Variants in SUPT20H observed in about 807,000 individuals in gnomAD.
SUPT20H encodes the protein transcription factor SPT20 homolog.
Under a neutral mutation model 122.8 loss-of-function variants are expected in SUPT20H, and 82 were observed. That is an observed-to-expected ratio of 0.67 (90% CI 0.56 to 0.80). The LOEUF (loss-of-function observed/expected upper bound fraction) is 0.80. SUPT20H is among the 30% of genes least tolerant of loss of function. The pLI is 0.00. For missense variants in SUPT20H, 831 were observed against 921.6 expected (o/e 0.90, Z 1.27); for synonymous variants, 291 against 313.0 (o/e 0.93, Z 0.74).
intron 7 of SUPT20H, among the ~76,000 whole-genome samples, chr13:37,043,647 C>T (rs2065894809): frequency 6.6e-6 from 1 of 151,962 alleles, no homozygotes; most frequent in Admixed American, 6.6e-5. Context: ...ATTTCATCTT[C>T]TATTATTATT....
chr13:37,027,855 T>C (rs2062589896), intron 14 of SUPT20H, among the ~76,000 whole-genome samples: 1 of 152,134 alleles, frequency 6.6e-6, no homozygotes, highest in Non-Finnish European at 1.5e-5. Flanking sequence ...GTTCAAAGGT[T>C]AAAGTCCTAA....
At chr13:37,033,343 C>A in intron 10 of SUPT20H, 106 bp downstream of exon 10, 1 of 1,398,098 alleles carries the variant, frequency 7.2e-7, no homozygotes, top group South Asian at 1.4e-5. Context: ...TCTACCCTTC[C>A]CCACCAAAAT....
At chr13:37,039,163 C>T (rs1333957276) in intron 9 of SUPT20H, 2 of 152,164 alleles carry the variant, frequency 1.3e-5, no homozygotes, top group Non-Finnish European at 2.9e-5. Context: ...ACACTATAGG[C>T]CTCTCAACTG....
At position 37,012,310 on chromosome 13, in the gene SUPT20H, A is replaced by G. The variant is rs1323447656; in HGVS notation, c.1993-13T>C. On this transcript the variant is annotated splice_polypyrimidine_tract_variant and intron_variant, in intron 23 of 25. Transcript: ENST00000350612. ...CTTGCTCAGAACCCTGAATAAAAAAATAATAAATGACTTGTACAAGAAAGA... is the reference window on the plus strand; with the variant it reads ...CTTGCTCAGAACCCTGAATAAAAAAGTAATAAATGACTTGTACAAGAAAGA... 6.3e-7 allele frequency: 1 copy of G among 1,598,892 alleles called. No individual in the cohort carries two copies. Among genetic ancestry groups the G allele is most frequent in the Non-Finnish European group, 8.5e-7 (1 of 1,170,002 alleles).
intron 4 of SUPT20H, 82 bp downstream of exon 4, chr13:37,047,796 C>T: frequency 1.4e-6 from 2 of 1,396,310 alleles, no homozygotes; most frequent in Non-Finnish European, 1.9e-6. Flanking sequence ...ATTTCTAGCT[C>T]AGTCCCTACG....
At chr13:37,049,135 G>A (rs910682379) in intron 2 of SUPT20H, among the ~76,000 whole-genome samples, 6 of 152,040 alleles carry the variant, frequency 3.9e-5, no homozygotes, top group African/African-American at 1.2e-4. Context: ...ATGAATTCAA[G>A]ATGCCATTGA....
intron 2 of SUPT20H, 144 bp downstream of exon 2, chr13:37,051,344 T>C: frequency 1.4e-6 from 1 of 699,748 alleles, no homozygotes; most frequent in African/African-American, 1.8e-5. Flanking sequence ...GACTTTGCAA[T>C]GGGATTGCTA....
chr13:37,039,343 T>C (rs912849478), intron 9 of SUPT20H: 10 of 152,158 alleles, frequency 6.6e-5, no homozygotes, highest in African/African-American at 1.7e-4. Flanking sequence ...ATCCTGAAGA[T>C]AGTAAAGCAC....
intron 9 of SUPT20H, among the ~76,000 whole-genome samples, chr13:37,035,846 G>A (rs1027345371): frequency 3.6e-4 from 55 of 152,248 alleles, no homozygotes; most frequent in African/African-American, 1.3e-3. Flanking sequence ...GGTTTCTTGA[G>A]ATAGACTCTA....
At chr13:37,027,823 C>A (rs1042081854) in intron 14 of SUPT20H, among the ~76,000 whole-genome samples, 1 of 152,096 alleles carries the variant, frequency 6.6e-6, no homozygotes, top group Admixed American at 6.6e-5. Flanking sequence ...TATTTAAACA[C>A]ACTATTGCCC....
intron 23 of SUPT20H, chr13:37,012,926 A>G (rs2059845763): frequency 6.6e-6 from 1 of 152,136 alleles, no homozygotes. Context: ...GTCTAAGAAA[A>G]CATATACAGG....
chr13:37,028,442 A>T, intron 13 of SUPT20H, 137 bp from the exon 14 acceptor site: 1 of 806,218 alleles, frequency 1.2e-6, no homozygotes, highest in Non-Finnish European at 1.9e-6. Context: ...CTACAAAGAT[A>T]TTTAAGTCTG....
chr13:37,035,597 T>C (rs1220750482), intron 9 of SUPT20H, among the ~76,000 whole-genome samples: 1 of 151,790 alleles, frequency 6.6e-6, no homozygotes, highest in South Asian at 2.1e-4. Context: ...CCAGGCTCAC[T>C]GCAACCTTCA....
At chr13:37,030,586 C>T (rs1418078110) in intron 12 of SUPT20H, among the ~76,000 whole-genome samples, 5 of 152,108 alleles carry the variant, frequency 3.3e-5, no homozygotes, top group Non-Finnish European at 7.4e-5. Flanking sequence ...ATGTGTGGTC[C>T]ATGGACCCCA....
At chr13:37,039,109 C>T (rs2065017468) in intron 9 of SUPT20H, 1 of 152,144 alleles carries the variant, frequency 6.6e-6, no homozygotes, top group Non-Finnish European at 1.5e-5. Context: ...TTGTTTGTAA[C>T]CTAACTGAAG....
intron 10 of SUPT20H, 137 bp from the exon 11 acceptor site, chr13:37,032,032 A>T: frequency 9.6e-6 from 6 of 624,596 alleles, no homozygotes; most frequent in Non-Finnish European, 1.5e-5. Context: ...CAGTCCTAGG[A>T]ACTAGGACTA....
chr13:37,053,512 G>A (rs902882050), intron 1 of SUPT20H, among the ~76,000 whole-genome samples: 1 of 151,880 alleles, frequency 6.6e-6, no homozygotes, highest in African/African-American at 2.4e-5. Context: ...ATCACACGCT[G>A]GGGCCTGTTG....
intron 23 of SUPT20H, among the ~76,000 whole-genome samples, chr13:37,015,819 A>G (rs1174760979): frequency 6.6e-6 from 1 of 152,230 alleles, no homozygotes; most frequent in Non-Finnish European, 1.5e-5. Context: ...AAAATATGGT[A>G]TATACAAGTA....
chr13:37,047,382 A>C, intron 5 of SUPT20H, 153 bp downstream of exon 5: 7 of 785,458 alleles, frequency 8.9e-6, no homozygotes, highest in South Asian at 2.2e-5. Flanking sequence ...CAGATTAGCC[A>C]GAGCTCTGAG....
Sources: gnomAD v4.1 joint callset for allele counts (sites outside exome capture counted in the v4.1 genomes callset) on GRCh38, gnomAD v4.1.1 for gene constraint, MANE v1.5 for transcripts, NCBI Gene and HGNC (gene_info 2026-07-23, HGNC 2026-07-21) for gene names.